The following OTC variants were observed in gnomAD, a reference collection of about 807,000 sequenced individuals.
The protein encoded by OTC is ornithine transcarbamylase, also known as ornithine transcarbamylase, mitochondrial.
Under a neutral mutation model 30.3 loss-of-function variants are expected in OTC, and 3 were observed. That is an observed-to-expected ratio of 0.10 (90% confidence interval 0.05 to 0.26). The LOEUF (loss-of-function observed/expected upper bound fraction) is 0.26, where lower values mean the gene tolerates loss of function less well. OTC is among the 10% of genes least tolerant of loss of function. The pLI is 1.00. For synonymous variants in OTC, 111 were observed against 99.7 expected, an observed-to-expected ratio of 1.11 and a Z score of -0.67; for missense variants, 194 against 260.3, an observed-to-expected ratio of 0.75 and a Z score of 1.75.
At chrX:38,418,140 G>A (rs997738678) in intron 9 of OTC, among the ~76,000 whole-genome samples, 3 of 111,286 alleles carry the variant, frequency 2.7e-5, no homozygotes, top group Non-Finnish European at 5.7e-5. Context: ...CTGCATTCCT[G>A]TCAACACTTA....
At chrX:38,330,347 A>G in the OTC span, among the ~76,000 whole-genome samples, 1 of 112,186 alleles carries the variant, frequency 8.9e-6, no homozygotes, top group African/African-American at 3.2e-5. Context: ...TCAGAACTAC[A>G]ATAGTGTACG....
chrX:38,363,773 C>T (rs1020924037), intron 1 of OTC, among the ~76,000 whole-genome samples: 7 of 111,681 alleles, frequency 6.3e-5, no homozygotes, highest in African/African-American at 2.3e-4. Context: ...GAAGGGCTGT[C>T]TAGAAACTGC....
chrX:38,365,841 G>A (rs1250134061), intron 1 of OTC, among the ~76,000 whole-genome samples: 2 of 112,004 alleles, frequency 1.8e-5, no homozygotes, highest in African/African-American at 3.2e-5. Context: ...AAGCAATAGG[G>A]AATGAGATAA....
At chrX:38,413,658 C>T (rs186341979) in intron 9 of OTC, among the ~76,000 whole-genome samples, 274 of 91,737 alleles carry the variant, frequency 3.0e-3, no homozygotes, top group African/African-American at 0.012. Context: ...TGAGATTTGG[C>T]ACATCTATTT....
At chrX:38,419,052 G>A (rs527714183) in intron 9 of OTC, among the ~76,000 whole-genome samples, 13 of 111,423 alleles carry the variant, frequency 1.2e-4, no homozygotes, top group African/African-American at 4.2e-4. Context: ...TTTTCTGCAT[G>A]TGGATATCCA....
chrX:38,373,088 G>A (rs769253120), intron 3 of OTC, among the ~76,000 whole-genome samples: 3 of 112,009 alleles, frequency 2.7e-5, no homozygotes, highest in Admixed American at 9.5e-5. Context: ...ATCATTAAGC[G>A]TATAGATCGA....
chrX:38,368,662 C>T (rs779231451), intron 2 of OTC, among the ~76,000 whole-genome samples: 1 of 102,211 alleles, frequency 9.8e-6, no homozygotes, highest in East Asian at 3.1e-4. Flanking sequence ...GCTTGTTCAG[C>T]CTTTTTAAAG....
chrX:38,329,550 G>A, the OTC span, among the ~76,000 whole-genome samples: 1 of 111,811 alleles, frequency 8.9e-6, no homozygotes, highest in East Asian at 2.8e-4. Context: ...AGTAACAAAA[G>A]AACCAGAGGC....
At chrX:38,365,209 T>C (rs1308651267) in intron 1 of OTC, among the ~76,000 whole-genome samples, 10 of 113,172 alleles carry the variant, frequency 8.8e-5, no homozygotes, top group Middle Eastern at 4.6e-3. Flanking sequence ...TAATGTTTAG[T>C]ACACGTGGTG....
chrX:38,351,150 T>G (rs752174163), upstream of OTC, among the ~76,000 whole-genome samples: 3 of 111,965 alleles, frequency 2.7e-5, no homozygotes, highest in Non-Finnish European at 5.6e-5. Context: ...TGTCAGTCTT[T>G]CCCCTCACTT....
intron 9 of OTC, among the ~76,000 whole-genome samples, chrX:38,418,260 G>T (rs1379790565): frequency 4.5e-5 from 5 of 111,529 alleles, no homozygotes; most frequent in Non-Finnish European, 9.4e-5. Context: ...ATTTTTTCAT[G>T]AACTTGATGA....
chrX:38,370,985 A>G (rs748734322), intron 3 of OTC, among the ~76,000 whole-genome samples: 3 of 111,285 alleles, frequency 2.7e-5, no homozygotes, highest in Non-Finnish European at 5.7e-5. Context: ...ACTGCCTTCT[A>G]GAGGTCTGTC....
the OTC span, among the ~76,000 whole-genome samples, chrX:38,340,459 G>GTTTTTTTTTTTTTTTTTTT: frequency 5.0e-5 from 3 of 60,535 alleles, no homozygotes; most frequent in African/African-American, 1.3e-4. Context: ...TTGTTTTTTT[G>GTTTTTTTTTTTTTTTTTTT]TTTTTTTTTT....
chrX:38,381,662 A>G (rs1461791341), intron 4 of OTC, among the ~76,000 whole-genome samples: 1 of 111,914 alleles, frequency 8.9e-6, no homozygotes, highest in Admixed American at 9.5e-5. Flanking sequence ...ATAAAATTTC[A>G]AACTTATGGA....
At chrX:38,365,730 A>C (rs186360086) in intron 1 of OTC, among the ~76,000 whole-genome samples, 19 of 112,433 alleles carry the variant, frequency 1.7e-4, no homozygotes, top group Middle Eastern at 4.6e-3. Context: ...TAAAGTAGGA[A>C]AGACAGGCTA....
At chrX:38,411,828 T>C in intron 8 of OTC, 34 bp from the exon 9 acceptor site, 1 of 1,198,225 alleles carries the variant, frequency 8.3e-7, no homozygotes, top group Non-Finnish European at 1.1e-6. Flanking sequence ...CCACATATAA[T>C]AGTCAAAAAG....
chrX:38,333,059 C>CA, the OTC span, among the ~76,000 whole-genome samples: 2 of 108,588 alleles, frequency 1.8e-5, no homozygotes, highest in Non-Finnish European at 3.8e-5. Context: ...ACTAAAAATA[C>CA]AAAAAATTAG....
At chrX:38,416,182 G>A (rs1184781251) in intron 9 of OTC, among the ~76,000 whole-genome samples, 2 of 112,036 alleles carry the variant, frequency 1.8e-5, no homozygotes, top group Non-Finnish European at 3.8e-5. Flanking sequence ...TTCTTTAATG[G>A]TGTAGCATTT....
rs72556275 is a variant in OTC, at chrX:38,401,381, G to C, written c.493G>C (p.Asp165His). ...CATCCCAATTATCAATGGGCTGTCA[G>C]ATTTGTACCATCCTATCCAGATCCT... is the stretch of plus-strand genomic sequence containing the variant. Reference protein sequence around the residue: ...ASIPIINGLSDLYHPIQILAD... With the variant: ...ASIPIINGLSHLYHPIQILAD... Residue 165 changes from aspartate (D) to histidine (H), a missense_variant, in exon 5 of 10, where the codon GAT becomes CAT. Transcript: ENST00000039007. The C allele has an allele frequency of 3.3e-6, 4 of 1,205,362 alleles. No individual in the cohort carries two copies. Among genetic ancestry groups the C allele is most frequent in the African/African-American group, 3.5e-5 (2 of 57,135 alleles).
Sources: allele counts gnomAD v4.1 joint callset (sites outside exome capture counted in the v4.1 genomes callset), GRCh38; gene constraint gnomAD v4.1.1; transcripts MANE v1.5; gene names NCBI Gene and HGNC (gene_info 2026-07-23, HGNC 2026-07-21).